FANCA: variants seen among roughly 807,000 people sequenced by gnomAD.
FANCA encodes the protein Fanconi anemia group A protein.
Under a neutral mutation model 194.3 loss-of-function variants are expected in FANCA, and 236 were observed. That is an observed-to-expected ratio of 1.21 (90% CI 1.09 to 1.35). The LOEUF (loss-of-function observed/expected upper bound fraction) is 1.35. Ranked by LOEUF, FANCA falls within the 40% of genes most tolerant of loss-of-function variation. The pLI is 0.00. For missense variants in FANCA, 2,628 were observed against 1,813.9 expected (o/e 1.45, Z -8.15); for synonymous variants, 1,014 against 715.8 (o/e 1.42, Z -6.65).
At chr16:89,773,773 CTTTT>C (rs552737101) in intron 21 of FANCA, among the ~76,000 whole-genome samples, 4 of 135,516 alleles carry the variant, frequency 3.0e-5, no homozygotes, top group African/African-American at 5.5e-5. Flanking sequence ...GTTCCTCAAA[CTTTT>C]TTTTTTTTTT....
At chr16:89,793,312 C>T (rs144352354) in intron 11 of FANCA, among the ~76,000 whole-genome samples, 18 of 152,222 alleles carry the variant, frequency 1.2e-4, no homozygotes, top group African/African-American at 3.1e-4. Flanking sequence ...TGGCCCTGTC[C>T]GGGCATAACA....
rs17233602 is a variant in FANCA, at chr16:89,746,443, CTG to C, written c.3513+139_3513+140del. The C allele has an allele frequency of 0.087, 64,056 of 739,818 alleles. 3,628 individuals carry two copies. Among genetic ancestry groups the C allele is most frequent in the African/African-American group, 0.2 (11,319 of 57,798 alleles). 45.8% of individuals were successfully genotyped at this position (739,818 alleles called of 1,614,324 possible). The stretch of plus-strand genomic sequence containing the variant: ...ATCTGCTATGAGCTGGCATCTTTAA[CTG>C]TGGCTTCCATGTCTCCTGATGCATT... On this transcript the variant is annotated intron_variant, in intron 35 of 42. Coordinates refer to ENST00000389301, the MANE Select transcript of FANCA (RefSeq NM_000135.4).
At position 89,779,045 on chromosome 16, in the gene FANCA, G is replaced by A. The variant is rs377299512; in HGVS notation, c.1716-42C>T. 3.1e-5 allele frequency: 49 copies of A among 1,594,306 alleles called. No homozygotes were observed. The East Asian group carries it at 3.6e-4, about 12-fold the overall frequency. On this transcript the variant is annotated intron_variant, in intron 18 of 42. Coordinates refer to ENST00000389301, the MANE Select transcript of FANCA (RefSeq NM_000135.4). Reference sequence around the variant, plus strand: ...CAGACAGTGCATCAGTCAGAGCAGCGAGAAGGCAATTCCCACAGACGGTGA... The same window carrying A: ...CAGACAGTGCATCAGTCAGAGCAGCAAGAAGGCAATTCCCACAGACGGTGA...
At chr16:89,775,272 C>T (rs562282421) in intron 21 of FANCA, among the ~76,000 whole-genome samples, 3 of 152,148 alleles carry the variant, frequency 2.0e-5, no homozygotes, top group African/African-American at 4.8e-5. Context: ...CCAATGAGGG[C>T]GTAGGTCTGA....
At position 89,749,745 on chromosome 16, in the gene FANCA, A is replaced by G. The variant is rs766559253; in HGVS notation, c.3224T>C (p.Leu1075Pro). ...VAASLQRQRE[L>P]LMYKRILLRL... ...TAGGTGTTACCGTTTGTACATTAGCAGCTCCCTCTGTCTCTGAAGGCTGGC... is the reference window on the plus strand; with the variant it reads ...TAGGTGTTACCGTTTGTACATTAGCGGCTCCCTCTGTCTCTGAAGGCTGGC... Residue 1075 changes from leucine (L) to proline (P), a missense_variant, in exon 32 of 43, where the codon CTG (leucine) becomes CCG (proline). Leu to Pro is a moderately conservative substitution (Grantham distance 98). Transcript: ENST00000389301. 1 of 1,614,060 alleles carries G rather than the reference A, an allele frequency of 6.2e-7. No individual in the cohort carries two copies. Among genetic ancestry groups the G allele is most frequent in the South Asian group, 1.1e-5 (1 of 91,064 alleles).
chr16:89,752,331 T>C, intron 30 of FANCA, 109 bp from the exon 31 acceptor site: 1 of 890,880 alleles, frequency 1.1e-6, no homozygotes, highest in Non-Finnish European at 1.9e-6. Context: ...TCTCTGACAG[T>C]GTGACCCTCA....
intron 28 of FANCA, 40 bp from the exon 29 acceptor site, chr16:89,762,062 A>T: frequency 6.7e-7 from 1 of 1,487,532 alleles, no homozygotes; most frequent in Non-Finnish European, 9.4e-7. Context: ...ATGAGGACAG[A>T]ACACACAATC....
At position 89,803,328 on chromosome 16, in the gene FANCA, C is replaced by T. The variant is rs1367810841; in HGVS notation, c.723G>A (p.Met241Ile). 1 of 1,613,832 alleles carries T rather than the reference C, an allele frequency of 6.2e-7. No homozygotes were observed. The highest frequency in any genetic ancestry group is 1.1e-5 in the South Asian group (1 of 91,082). Residue 241 changes from methionine (M) to isoleucine (I), a missense_variant, in exon 8 of 43, where the codon ATG becomes ATA. By Grantham distance (10) the Met-to-Ile change is conservative. Transcript: ENST00000389301. ...TTTTCTGAAATCCCCTCAAAACAAACATTTGAACAAAATCTGAAAAACCAT... is the reference window on the plus strand; with the variant it reads ...TTTTCTGAAATCCCCTCAAAACAAATATTTGAACAAAATCTGAAAAACCAT... ...ARAMLSDFVQ[M>I]FVLRGFQKNS...
At chr16:89,744,466 C>T (rs1317788056) in intron 36 of FANCA, among the ~76,000 whole-genome samples, 2 of 152,030 alleles carry the variant, frequency 1.3e-5, no homozygotes, top group African/African-American at 2.4e-5. Flanking sequence ...TGACTGGGGT[C>T]GACAGGTCAG....
Position 89,785,097 on chromosome 16 carries a change from G to C in FANCA, c.1360-133C>G, listed in dbSNP as rs548811346. The stretch of plus-strand genomic sequence containing the variant: ...AGCTGCACCACCTAGGCAGTGTCCT[G>C]TGTGGAGAGAAGAGTGTGAAGCCCA... On this transcript the variant is annotated intron_variant, in intron 14 of 42. Coordinates refer to ENST00000389301, the MANE Select transcript of FANCA (RefSeq NM_000135.4). 637 of 723,488 alleles carry C rather than the reference G, an allele frequency of 8.8e-4. No individual in the cohort carries two copies. The highest frequency in any genetic ancestry group is 1.2e-3 in the South Asian group (80 of 68,188). 44.8% of individuals were successfully genotyped at this position (723,488 alleles called of 1,614,324 possible).
intron 27 of FANCA, among the ~76,000 whole-genome samples, chr16:89,766,908 A>G (rs540928198): frequency 6.6e-6 from 1 of 152,244 alleles, no homozygotes; most frequent in African/African-American, 2.4e-5. Context: ...TTCACTTTAC[A>G]CTCAGAGAAC....
intron 20 of FANCA, among the ~76,000 whole-genome samples, chr16:89,777,988 C>A (rs1043664352): frequency 4.6e-5 from 7 of 151,864 alleles, no homozygotes; most frequent in African/African-American, 1.7e-4. Flanking sequence ...ATGGTGAAAC[C>A]CCGTCTCTAC....
In FANCA at chr16:89,789,078, C is replaced by T. The variant is rs1459626151; in HGVS notation, c.1359+2325G>A. Among the ~76,000 whole-genome samples the T allele has an allele frequency of 3.3e-5, 5 of 152,132 alleles. No homozygotes were observed. In the East Asian group the frequency reaches 9.7e-4, roughly 29 times the overall value. On this transcript the variant is annotated intron_variant, in intron 14 of 42. Transcript: ENST00000389301. The stretch of plus-strand genomic sequence containing the variant: ...CCCAAGAGCACCAGGTGGATTCTGG[C>T]ACAAATCTCTCAGCGCCTCACTAAA...
chr16:89,767,607 G>A (rs1002030017), intron 26 of FANCA, among the ~76,000 whole-genome samples: 1 of 152,042 alleles, frequency 6.6e-6, no homozygotes, highest in African/African-American at 2.4e-5. Context: ...GGAGTAGAGT[G>A]GTGCGATTTC....
chr16:89,779,930 C>T lies in FANCA; in HGVS notation c.1654G>A (p.Glu552Lys), dbSNP rs1012809189. The change falls in exon 18 of 43, where the codon GAA (glutamate) becomes AAA (lysine). Residue 552 changes from glutamate to lysine, a missense_variant. Transcript: ENST00000389301. Reference protein sequence around the residue: ...EPHSQALQDVEKAIMVFEHTG... With the variant: ...EPHSQALQDVKKAIMVFEHTG... Reference sequence around the variant, plus strand: ...TGCTCAAACACCATGATGGCCTTTTCAACATCCTGAAGAGCTTGGCTGTGG... The same window carrying T: ...TGCTCAAACACCATGATGGCCTTTTTAACATCCTGAAGAGCTTGGCTGTGG... 1 of 1,614,094 alleles carries T rather than the reference C, an allele frequency of 6.2e-7. No homozygotes were observed. The highest frequency in any genetic ancestry group is 1.3e-5 in the African/African-American group (1 of 74,956).
chr16:89,806,004 C>T (rs1418886817), intron 6 of FANCA, among the ~76,000 whole-genome samples: 1 of 152,126 alleles, frequency 6.6e-6, no homozygotes, highest in Non-Finnish European at 1.5e-5. Flanking sequence ...CCTCCGCCTC[C>T]CAAGTTCAAG....
At chr16:89,743,311 G>C (rs1276539971) in intron 36 of FANCA, among the ~76,000 whole-genome samples, 1 of 152,230 alleles carries the variant, frequency 6.6e-6, no homozygotes, top group African/African-American at 2.4e-5. Flanking sequence ...CTACAACAGA[G>C]AACAAAGGAC....
rs1318104812 is a variant in FANCA, at chr16:89,738,415, G to A, written c.*186C>T. 7.3e-7 allele frequency: 1 copy of A among 1,372,918 alleles called. No homozygotes were observed. The highest frequency in any genetic ancestry group is 2.5e-5 in the East Asian group (1 of 39,986). 85.0% of individuals were successfully genotyped at this position (1,372,918 alleles called of 1,614,324 possible). On this transcript the variant is annotated 3_prime_UTR_variant, in exon 43 of 43. Transcript: ENST00000389301. ...GTAGCCTTCCTCTGCTCTGGGACCA[G>A]TGGTTTATTTTCCCGCAAACGCTGA...
At chr16:89,771,328 G>A (rs1418399747) in intron 23 of FANCA, among the ~76,000 whole-genome samples, 2 of 151,850 alleles carry the variant, frequency 1.3e-5, no homozygotes, top group East Asian at 1.9e-4. Context: ...GTGTGGTGAT[G>A]CACGCCTGTA....
Sources: allele counts gnomAD v4.1 joint callset (sites outside exome capture counted in the v4.1 genomes callset), GRCh38; gene constraint gnomAD v4.1.1; transcripts MANE v1.5; gene names NCBI Gene and HGNC (gene_info 2026-07-23, HGNC 2026-07-21).